PNPLA1: variants seen among roughly 807,000 people sequenced by gnomAD.
PNPLA1 encodes omega-hydroxyceramide transacylase.
PNPLA1 carries 36 observed loss-of-function variants against 51.7 expected under a neutral mutation model. That is an observed-to-expected ratio of 0.70 (90% confidence interval 0.53 to 0.92). PNPLA1 has a LOEUF of 0.92. PNPLA1 is among the 40% of genes least tolerant of loss of function. The probability of loss-of-function intolerance (pLI) is 0.00; values close to 1 mark genes in which losing one functional copy is unlikely to be tolerated. For synonymous variants in PNPLA1, 293 were observed against 280.1 expected, an observed-to-expected ratio of 1.05 and a Z score of -0.46; for missense variants, 658 against 682.5, an observed-to-expected ratio of 0.96 and a Z score of 0.40.
At position 36,270,319 on chromosome 6, in the gene PNPLA1, G is replaced by T; in HGVS notation, c.-141G>T. ...TGAGCAGCCTGTGGTTGCTCCAGCC[G>T]GGTAGAGACAGCCACATTCCAAGCT... On this transcript the variant is annotated 5_prime_UTR_variant, in exon 1 of 9. Coordinates refer to ENST00000636260, the MANE Select transcript of PNPLA1 (RefSeq NM_001374623.1). 3 of 841,984 alleles carry T rather than the reference G, an allele frequency of 3.6e-6. No homozygotes were observed. The highest frequency in any genetic ancestry group is 5.7e-6 in the Non-Finnish European group (3 of 526,902). The allele number at this position is 841,984 out of a possible 1,614,324, so 52.2% of individuals were successfully genotyped here.
In PNPLA1 at chr6:36,304,088, T is replaced by G. The variant is rs113697888; in HGVS notation, c.1384+1619T>G. ...CAGTGCAGGAATGTGCAGGGTACTT[T>G]CAAGGTACTTTAGGAAGGAGAGGAC... On this transcript the variant is annotated intron_variant, in intron 6 of 8. Coordinates refer to ENST00000636260, the MANE Select transcript of PNPLA1 (RefSeq NM_001374623.1). Among the ~76,000 whole-genome samples the G allele has an allele frequency of 1.5e-3, 223 of 152,218 alleles. 1 individual carries two copies. The highest frequency in any genetic ancestry group is 2.2e-3 in the Non-Finnish European group (153 of 68,014).
chr6:36,273,977 G>A (rs569820757), intron 1 of PNPLA1, among the ~76,000 whole-genome samples: 1 of 152,102 alleles, frequency 6.6e-6, no homozygotes, highest in African/African-American at 2.4e-5. Flanking sequence ...GGTATGTGTG[G>A]GACTCACGCT....
chr6:36,243,380 T>C (rs1422153390), intron 1 of PNPLA1: 1 of 152,114 alleles, frequency 6.6e-6, no homozygotes, highest in Non-Finnish European at 1.5e-5. Flanking sequence ...GAGGAAAGAT[T>C]TGGACATGTT....
chr6:36,295,645 G>A (rs1244735161), intron 5 of PNPLA1, among the ~76,000 whole-genome samples: 1 of 152,204 alleles, frequency 6.6e-6, no homozygotes, highest in East Asian at 1.9e-4. Flanking sequence ...GGGGCTTTGG[G>A]GTTAACTAAG....
rs1198045459 is a variant in PNPLA1, at chr6:36,312,756, C to T, written c.*870C>T. Reference sequence around the variant, plus strand: ...CCAGGGTGAGCATCTCAGCTTCCTGCGATCCTTTCAACCCTTCCACTACCC... The same window carrying T: ...CCAGGGTGAGCATCTCAGCTTCCTGTGATCCTTTCAACCCTTCCACTACCC... On this transcript the variant is annotated 3_prime_UTR_variant, in exon 9 of 9. Transcript: ENST00000636260. Among the ~76,000 whole-genome samples, 5 of 152,204 alleles carry T rather than the reference C, an allele frequency of 3.3e-5. No homozygotes were observed. The highest frequency in any genetic ancestry group is 1.9e-4 in the East Asian group (1 of 5,204).
upstream of PNPLA1, among the ~76,000 whole-genome samples, chr6:36,267,654 A>G (rs1406526017): frequency 1.3e-5 from 2 of 151,976 alleles, no homozygotes; most frequent in Admixed American, 6.6e-5. Context: ...TTTCACTGGG[A>G]TGACCCGGAA....
In PNPLA1 at chr6:36,303,304, A is replaced by G. The variant is rs546572573; in HGVS notation, c.1384+835A>G. On this transcript the variant is annotated intron_variant, in intron 6 of 8. Transcript: ENST00000636260. The stretch of plus-strand genomic sequence containing the variant: ...AAAGACAGGTTTCACTGTGTTAGCC[A>G]GGATGGTCTCAATCTCCTGACTTTG... Among the ~76,000 whole-genome samples the G allele has an allele frequency of 1.4e-4, 21 of 152,306 alleles. No homozygotes were observed. The South Asian group carries it at 3.1e-3, about 23-fold the overall frequency.
At chr6:36,303,362 G>A (rs530793227) in intron 6 of PNPLA1, among the ~76,000 whole-genome samples, 85 of 152,206 alleles carry the variant, frequency 5.6e-4, no homozygotes, top group African/African-American at 2.0e-3. Flanking sequence ...CAAAGTGCTG[G>A]GACTACAGGC....
chr6:36,261,402 C>T (rs1292728925), intron 1 of PNPLA1, among the ~76,000 whole-genome samples: 1 of 152,194 alleles, frequency 6.6e-6, no homozygotes, highest in Non-Finnish European at 1.5e-5. Flanking sequence ...AGAAGTGCTC[C>T]CATCCCCTAA....
chr6:36,253,665 G>T (rs1469371167), intron 1 of PNPLA1, among the ~76,000 whole-genome samples: 3 of 152,126 alleles, frequency 2.0e-5, no homozygotes, highest in Admixed American at 6.5e-5. Flanking sequence ...TTTTAGTAGA[G>T]ACTGGGTCTC....
intron 7 of PNPLA1, 111 bp from the exon 8 acceptor site, chr6:36,307,476 G>A (rs933617633): frequency 6.4e-6 from 8 of 1,241,832 alleles, no homozygotes; most frequent in Non-Finnish European, 8.7e-6. Context: ...TCCTCAGCCA[G>A]GGTTGAGAAC....
intron 1 of PNPLA1, among the ~76,000 whole-genome samples, chr6:36,286,492 G>A (rs993941771): frequency 6.6e-6 from 1 of 152,068 alleles, no homozygotes; most frequent in African/African-American, 2.4e-5. Context: ...GGCACATGCT[G>A]TAGTTCCAGC....
intron 8 of PNPLA1, among the ~76,000 whole-genome samples, chr6:36,310,735 G>T (rs1350575383): frequency 6.6e-6 from 1 of 152,214 alleles, no homozygotes; most frequent in Non-Finnish European, 1.5e-5. Flanking sequence ...TACAGCCTAC[G>T]AGGGTGGTGG....
intron 1 of PNPLA1, among the ~76,000 whole-genome samples, chr6:36,258,898 A>C (rs774903951): frequency 2.6e-5 from 4 of 152,158 alleles, no homozygotes; most frequent in Non-Finnish European, 5.9e-5. Flanking sequence ...CCTTAAATGT[A>C]TTTATTTGAT....
At chr6:36,310,161 T>A (rs575372307) in intron 8 of PNPLA1, among the ~76,000 whole-genome samples, 3 of 152,330 alleles carry the variant, frequency 2.0e-5, no homozygotes, top group East Asian at 3.9e-4. Context: ...GTGTTTCTCT[T>A]TCATGGGCCT....
intron 8 of PNPLA1, among the ~76,000 whole-genome samples, chr6:36,309,527 T>A (rs1771341196): frequency 6.6e-6 from 1 of 152,184 alleles, no homozygotes; most frequent in Non-Finnish European, 1.5e-5. Context: ...CCAGCTCTCT[T>A]CCCACTGCAG....
intron 1 of PNPLA1, among the ~76,000 whole-genome samples, chr6:36,280,089 G>A (rs569863503): frequency 2.0e-5 from 3 of 152,112 alleles, no homozygotes; most frequent in South Asian, 2.1e-4. Flanking sequence ...GCCTGTAGTC[G>A]TAGCTACTCG....
At chr6:36,292,355 C>A (rs1211484528) in intron 2 of PNPLA1, among the ~76,000 whole-genome samples, 2 of 152,098 alleles carry the variant, frequency 1.3e-5, no homozygotes, top group Non-Finnish European at 2.9e-5. Flanking sequence ...TCACGCCCAC[C>A]CCCGTTCTGA....
upstream of PNPLA1, among the ~76,000 whole-genome samples, chr6:36,269,906 G>A (rs952317285): frequency 3.3e-5 from 5 of 152,368 alleles, no homozygotes; most frequent in Non-Finnish European, 4.4e-5. Context: ...GTCCAAAAGA[G>A]ATGGGGTAGG....
Sources: gnomAD v4.1 joint callset for allele counts (sites outside exome capture counted in the v4.1 genomes callset) on GRCh38, gnomAD v4.1.1 for gene constraint, MANE v1.5 for transcripts, NCBI Gene and HGNC (gene_info 2026-07-23, HGNC 2026-07-21) for gene names.